The following PPM1F variants were observed in gnomAD, a reference collection of about 807,000 sequenced individuals.
PPM1F encodes protein phosphatase, Mg2+/Mn2+ dependent 1F, also known as protein phosphatase 1F.
Under a neutral mutation model 35.5 loss-of-function variants are expected in PPM1F, and 17 were observed. The observed-to-expected ratio is 0.48, with a 90% CI of 0.33 to 0.72. The LOEUF is 0.72. Among genes scored for constraint, PPM1F ranks in the 30% least tolerant of loss-of-function variants. The pLI, the probability that PPM1F is intolerant of heterozygous loss-of-function variation, is 0.02. For missense variants in PPM1F, 521 were observed against 613.0 expected (o/e 0.85, Z 1.59); for synonymous variants, 241 against 255.5 (o/e 0.94, Z 0.54).
intron 6 of PPM1F, among the ~76,000 whole-genome samples, chr22:21,927,004 T>C (rs1414683337): frequency 6.6e-6 from 1 of 152,186 alleles, no homozygotes; most frequent in Non-Finnish European, 1.5e-5. Context: ...AGTCCCGGCC[T>C]TCCTGGGCAC....
Position 21,939,505 on chromosome 22 carries a change from G to A in PPM1F, c.355+27C>T. 1.2e-6 allele frequency: 2 copies of A among 1,606,526 alleles called. No individual in the cohort carries two copies. The highest frequency in any genetic ancestry group is 1.7e-6 in the Non-Finnish European group (2 of 1,176,036). On this transcript the variant is annotated intron_variant, in intron 3 of 7. Transcript: ENST00000263212. This position sits in a 1 kb window ranked among gnomAD's most constrained non-coding sequence, Gnocchi z 5.1. The stretch of plus-strand genomic sequence containing the variant: ...TTTGTTGCCTGCTAAGCAGCCCTGG[G>A]GCCACCTCAGAAGAAACAGAACTCA...
intron 6 of PPM1F, among the ~76,000 whole-genome samples, chr22:21,930,135 C>T (rs715592): frequency 6.6e-6 from 1 of 152,236 alleles, no homozygotes. Flanking sequence ...CGCTCAAACT[C>T]ACTCTGTAAC....
In PPM1F at chr22:21,925,556, C is replaced by T. The variant is rs191604554; in HGVS notation, c.985+13G>A. 1,651 of 1,613,610 alleles carry T rather than the reference C, an allele frequency of 1.0e-3. 3 individuals are homozygous for T. The highest frequency in any genetic ancestry group is 8.2e-4 in the Non-Finnish European group (966 of 1,179,666). On this transcript the variant is annotated intron_variant, in intron 7 of 7. Coordinates refer to ENST00000263212, the MANE Select transcript of PPM1F (RefSeq NM_014634.4). ...GACCTTCTCCCACTTGGGTCGGCCT[C>T]TTTGGCTCTCACCGATGGCTCTGGA... is the stretch of plus-strand genomic sequence containing the variant.
Position 21,923,109 on chromosome 22 carries a change from C to A in PPM1F, c.1348G>T (p.Ala450Ser). Residue 450 changes from alanine (A) to serine (S), a missense_variant, in exon 8 of 8, where the codon GCT becomes TCT. Around this residue, in one of 3 missense-constraint regions of PPM1F, gnomAD observed 163 missense variants for 169.6 expected, o/e 0.96. Coordinates refer to ENST00000263212, the MANE Select transcript of PPM1F (RefSeq NM_014634.4). ...GAAACCACCTAGCTTCTTGGTGGAG[C>A]CTGGGTCTCAGGTTCTGGAAGGCTG... Reference protein sequence around the residue: ...PSSLPEPETQAPPRS With the variant: ...PSSLPEPETQSPPRS 1 of 1,606,900 alleles carries A rather than the reference C, an allele frequency of 6.2e-7. No homozygotes were observed. Among genetic ancestry groups the A allele is most frequent in the South Asian group, 1.1e-5 (1 of 90,576 alleles).
At chr22:21,930,198 G>T (rs1207585288) in intron 6 of PPM1F, among the ~76,000 whole-genome samples, 1 of 152,202 alleles carries the variant, frequency 6.6e-6, no homozygotes, top group Non-Finnish European at 1.5e-5. Context: ...CTGACAGGAA[G>T]AATCCTGCAG....
Position 21,920,885 on chromosome 22 carries a change from G to A in PPM1F, c.*2207C>T, listed in dbSNP as rs2070439966. On this transcript the variant is annotated 3_prime_UTR_variant, in exon 8 of 8. Coordinates refer to ENST00000263212, the MANE Select transcript of PPM1F (RefSeq NM_014634.4). Reference sequence around the variant, plus strand: ...TCGTCAAGGTTATGCCCACGGGCAGGGTGGGCTAGTGGTGAGGGTGGAGCT... The same window carrying A: ...TCGTCAAGGTTATGCCCACGGGCAGAGTGGGCTAGTGGTGAGGGTGGAGCT... 1 of 152,262 alleles carries A rather than the reference G, an allele frequency of 6.6e-6. No individual in the cohort carries two copies. The highest frequency in any genetic ancestry group is 6.5e-5 in the Admixed American group (1 of 15,286). The allele number at this position is 152,262 out of a possible 1,614,324, so 9.4% of individuals were successfully genotyped here. A position where few individuals can be genotyped will look rare whatever the true frequency, so the allele number is the denominator to read the frequency against.
At chr22:21,938,223 C>T in intron 3 of PPM1F, 1 of 1,303,108 alleles carries the variant, frequency 7.7e-7, no homozygotes, top group Non-Finnish European at 1.0e-6. Context: ...GCGCTGTCTC[C>T]CGCGTGGACG....
intron 1 of PPM1F, chr22:21,950,446 T>C (rs1003398044): frequency 6.6e-6 from 1 of 152,066 alleles, no homozygotes; most frequent in Non-Finnish European, 1.5e-5. Flanking sequence ...TTTTGACTCC[T>C]AAGCTTAACG....
At chr22:21,924,268 CTT>C (rs34519625) in intron 7 of PPM1F, among the ~76,000 whole-genome samples, 8 of 137,176 alleles carry the variant, frequency 5.8e-5, no homozygotes, top group East Asian at 2.1e-4. Flanking sequence ...GCTGGACCCA[CTT>C]TTTTTTTTTT....
At chr22:21,944,375 T>G (rs2070756704) in intron 2 of PPM1F, 1 of 152,168 alleles carries the variant, frequency 6.6e-6, no homozygotes, top group Non-Finnish European at 1.5e-5. Context: ...TGCTAGGGCC[T>G]GGGGTCAAGG....
intron 6 of PPM1F, among the ~76,000 whole-genome samples, chr22:21,928,247 C>G (rs1434776417): frequency 6.6e-6 from 1 of 152,178 alleles, no homozygotes; most frequent in Admixed American, 6.5e-5. Context: ...CACGGCCAGG[C>G]CGCAGCAGCG....
chr22:21,944,086 C>T (rs1392776025), intron 2 of PPM1F: 3 of 151,334 alleles, frequency 2.0e-5, no homozygotes, highest in Admixed American at 6.6e-5. Context: ...GAACGTGAGG[C>T]CTTTCCTCAC....
At chr22:21,947,325 C>T (rs1321223476) in intron 1 of PPM1F, 2 of 152,544 alleles carry the variant, frequency 1.3e-5, no homozygotes, top group Non-Finnish European at 2.9e-5. Context: ...GGACCCTTCT[C>T]TCTCCTGCCC....
intron 5 of PPM1F, among the ~76,000 whole-genome samples, chr22:21,933,169 G>T (rs572792090): frequency 1.3e-5 from 2 of 152,302 alleles, no homozygotes; most frequent in South Asian, 2.1e-4. Flanking sequence ...CGCCAGGCAG[G>T]TCTGTGTGGC....
Position 21,922,891 on chromosome 22 carries a change from C to A in PPM1F, c.*201G>T. The A allele has an allele frequency of 1.5e-6, 1 of 667,062 alleles. No individual in the cohort carries two copies. The highest frequency in any genetic ancestry group is 2.6e-5 in the East Asian group (1 of 37,934). 41.3% of individuals were successfully genotyped at this position (667,062 alleles called of 1,614,324 possible). ...TGGTGAGGTCTCCTAAGCTGCCTTC[C>A]ACCATCTGCCCGCCACCCAGTGCAG... On this transcript the variant is annotated 3_prime_UTR_variant, in exon 8 of 8. Coordinates refer to ENST00000263212, the MANE Select transcript of PPM1F (RefSeq NM_014634.4).
At chr22:21,951,279 C>T (rs915892594) in intron 1 of PPM1F, 4 of 151,544 alleles carry the variant, frequency 2.6e-5, no homozygotes, top group African/African-American at 7.3e-5. Context: ...AGCTACACCA[C>T]TCTGAAGGGT....
chr22:21,938,487 G>C, intron 3 of PPM1F: 1 of 1,102,650 alleles, frequency 9.1e-7, no homozygotes, highest in Non-Finnish European at 1.1e-6. Flanking sequence ...ACTGATGCTG[G>C]CGGCCTCGGG....
Position 21,933,589 on chromosome 22 carries a change from A to G in PPM1F, c.559-10T>C, listed in dbSNP as rs755585259. On this transcript the variant is annotated splice_polypyrimidine_tract_variant and intron_variant, in intron 4 of 7. Coordinates refer to ENST00000263212, the MANE Select transcript of PPM1F (RefSeq NM_014634.4). ...CGCGGTTCACAGGGTCCTGGTGGGG[A>G]TGTGGTGGGAGTCACAGACCCGCGG... 2.5e-6 allele frequency: 4 copies of G among 1,602,962 alleles called. No individual in the cohort carries two copies. The highest frequency in any genetic ancestry group is 8.5e-7 in the Non-Finnish European group (1 of 1,171,556).
At chr22:21,945,798 G>T (rs373711993) in intron 2 of PPM1F, 45 bp downstream of exon 2, 63 of 1,582,736 alleles carry the variant, frequency 4.0e-5, no homozygotes, top group Non-Finnish European at 5.3e-5. Context: ...CGGCCCTGGT[G>T]CCGTGCCCTT....
Sources: allele counts gnomAD v4.1 joint callset (sites outside exome capture counted in the v4.1 genomes callset), GRCh38; gene constraint gnomAD v4.1.1; regional missense constraint gnomAD v4.1.1; non-coding constraint Gnocchi (gnomAD v3.1); transcripts MANE v1.5; gene names NCBI Gene and HGNC (gene_info 2026-07-23, HGNC 2026-07-21).